The following LRBA variants were observed in gnomAD, a reference collection of about 807,000 sequenced individuals.
The protein encoded by LRBA is LPS responsive beige-like anchor protein.
LRBA carries 176 observed loss-of-function variants against 330.0 expected under a neutral mutation model. That is an observed-to-expected ratio of 0.53 (90% CI 0.47 to 0.60). The LOEUF (loss-of-function observed/expected upper bound fraction) is 0.60. Ranked by LOEUF, LRBA falls within the 20% of genes least tolerant of loss-of-function variation. The pLI, the probability that LRBA is intolerant of heterozygous loss-of-function variation, is 0.00. For missense variants in LRBA, 3,259 were observed against 3,444.8 expected (o/e 0.95, Z 1.35); for synonymous variants, 1,230 against 1,193.0 (o/e 1.03, Z -0.64).
At chr4:150,863,325 T>A (rs1435522267) in intron 22 of LRBA, among the ~76,000 whole-genome samples, 1 of 152,094 alleles carries the variant, frequency 6.6e-6, no homozygotes. Flanking sequence ...AAAAGCTTTT[T>A]TCTCTTTTTA....
chr4:150,869,932 C>A (rs1316622774), intron 20 of LRBA, among the ~76,000 whole-genome samples: 3 of 152,054 alleles, frequency 2.0e-5, no homozygotes, highest in South Asian at 2.1e-4. Flanking sequence ...CTCAAAGCCA[C>A]GTGCTTTGAA....
At chr4:150,806,652 A>G (rs1463646468) in intron 32 of LRBA, among the ~76,000 whole-genome samples, 1 of 152,090 alleles carries the variant, frequency 6.6e-6, no homozygotes, top group Non-Finnish European at 1.5e-5. Context: ...ATCAGTACTT[A>G]CTACAAGTCT....
intron 34 of LRBA, among the ~76,000 whole-genome samples, chr4:150,763,822 A>G (rs1002078903): frequency 2.0e-5 from 3 of 151,990 alleles, no homozygotes; most frequent in South Asian, 2.1e-4. Flanking sequence ...GATTCAAAAA[A>G]TTATCATGGA....
chr4:150,791,329 AACAAGCACATGGCTACC>A (rs1172661695), intron 34 of LRBA, among the ~76,000 whole-genome samples: 1 of 152,210 alleles, frequency 6.6e-6, no homozygotes, highest in African/African-American at 2.4e-5. Context: ...GAGTTGATCA[AACAAGCACATGGCTACC>A]ACAATTTCAA....
chr4:150,601,054 G>C (rs1278891295), intron 37 of LRBA, among the ~76,000 whole-genome samples: 1 of 152,178 alleles, frequency 6.6e-6, no homozygotes, highest in Non-Finnish European at 1.5e-5. Context: ...CCTAGACTGA[G>C]ATCTCCTACA....
At chr4:150,489,106 T>TCATATATAATATATAAGA (rs1758320162) in intron 41 of LRBA, among the ~76,000 whole-genome samples, 2 of 24,306 alleles carry the variant, frequency 8.2e-5, no homozygotes, top group South Asian at 1.9e-3. Context: ...TACAATATAT[T>TCATATATAATATATAAGA]ATATATCATA....
At position 150,850,849 on chromosome 4, in the gene LRBA, A is replaced by G; in HGVS notation, c.3879T>C (p.Asn1293=). The change falls in exon 24 of 57, where the codon AAT becomes AAC. Residue 1293 remains asparagine (N), a synonymous_variant. Coordinates refer to ENST00000651943, the MANE Select transcript of LRBA (RefSeq NM_001364905.1). ...TAGATCTGGAATCCCTCCTTTGTCC[A>G]TTAACTGCATCTGGTGCTATTCCTT... The part of the protein sequence containing the change: ...PGQGIAPDAV[N]GQRRDSRSTV... The G allele has an allele frequency of 1.2e-6, 2 of 1,614,012 alleles. No individual in the cohort carries two copies. Among genetic ancestry groups the G allele is most frequent in the Non-Finnish European group, 1.7e-6 (2 of 1,179,932 alleles).
upstream of LRBA, chr4:151,015,547 G>GCCCGC (rs1338854328): frequency 2.0e-5 from 3 of 152,980 alleles, no homozygotes; most frequent in South Asian, 2.1e-4. Context: ...TGGCTTCCTG[G>GCCCGC]CCCGCCCCGC....
At chr4:150,483,807 C>T (rs1038341204) in intron 42 of LRBA, among the ~76,000 whole-genome samples, 7 of 152,030 alleles carry the variant, frequency 4.6e-5, no homozygotes, top group Non-Finnish European at 1.0e-4. Flanking sequence ...AGTTTTAATT[C>T]TCCAAAACAG....
intron 46 of LRBA, among the ~76,000 whole-genome samples, chr4:150,427,853 T>C (rs1203608499): frequency 1.3e-5 from 2 of 152,014 alleles, no homozygotes; most frequent in African/African-American, 2.4e-5. Context: ...AAGCATTTTC[T>C]TATAAACGGG....
rs1007585785 is a variant in LRBA, at chr4:150,900,147, C to T, written c.1826G>A (p.Arg609Gln). The T allele has an allele frequency of 1.4e-5, 22 of 1,612,632 alleles. No homozygotes were observed. Among genetic ancestry groups the T allele is most frequent in the East Asian group, 4.5e-5 (2 of 44,856 alleles). The change falls in exon 14 of 57, where the codon CGG becomes CAG. Residue 609 changes from arginine (R) to glutamine (Q), a missense_variant. Physicochemically the swap from Arg to Gln is conservative, Grantham distance 43. Coordinates refer to ENST00000651943, the MANE Select transcript of LRBA (RefSeq NM_001364905.1). ...GATGAGAAGCACTGTTCCAACTCTC[C>T]GAATGGTGTTATATATGTTGACTGT... ...IGTVNIYNTI[R>Q]RVGTVLLIMH...
intron 26 of LRBA, among the ~76,000 whole-genome samples, chr4:150,847,731 G>GT (rs893847254): frequency 6.6e-6 from 1 of 152,024 alleles, no homozygotes; most frequent in Non-Finnish European, 1.5e-5. Flanking sequence ...GCAAAAAAGG[G>GT]TTTTTTTGTT....
intron 22 of LRBA, among the ~76,000 whole-genome samples, chr4:150,853,486 C>A (rs1750863610): frequency 6.6e-6 from 1 of 152,126 alleles, no homozygotes; most frequent in Non-Finnish European, 1.5e-5. Flanking sequence ...AAAGATCCAG[C>A]CCTTCCCCCA....
chr4:150,373,935 T>C (rs1245417318), intron 47 of LRBA, among the ~76,000 whole-genome samples: 1 of 152,174 alleles, frequency 6.6e-6, no homozygotes, highest in Non-Finnish European at 1.5e-5. Context: ...TTCTAAGATA[T>C]TCCTTTTCTG....
intron 47 of LRBA, among the ~76,000 whole-genome samples, chr4:150,414,289 T>C (rs950833662): frequency 5.3e-5 from 8 of 152,040 alleles, no homozygotes; most frequent in African/African-American, 9.7e-5. Context: ...CCAGTATATA[T>C]AGAATGCAAA....
chr4:150,915,505 T>C, intron 8 of LRBA, 103 bp downstream of exon 8: 4 of 1,001,312 alleles, frequency 4.0e-6, no homozygotes, highest in Non-Finnish European at 5.8e-6. Flanking sequence ...TCTACCATTG[T>C]AATACTTTGA....
chr4:150,282,665 T>C lies in LRBA; in HGVS notation c.8120-19A>G. The stretch of plus-strand genomic sequence containing the variant: ...GGTCCTTCTGAGAAGAGAGGAGAAA[T>C]AAAAGGCAAAATTATTGAATGAAAA... On this transcript the variant is annotated intron_variant, in intron 54 of 56. Coordinates refer to ENST00000651943, the MANE Select transcript of LRBA (RefSeq NM_001364905.1). 1 of 1,541,852 alleles carries C rather than the reference T, an allele frequency of 6.5e-7. No homozygotes were observed. Among genetic ancestry groups the C allele is most frequent in the Non-Finnish European group, 8.9e-7 (1 of 1,128,350 alleles).
At chr4:150,666,567 T>C (rs187598890) in intron 37 of LRBA, among the ~76,000 whole-genome samples, 1 of 152,242 alleles carries the variant, frequency 6.6e-6, no homozygotes, top group African/African-American at 2.4e-5. Flanking sequence ...ACCATTTACA[T>C]AGCATGAACA....
At chr4:150,588,328 TC>T in intron 39 of LRBA, 144 bp from the exon 40 acceptor site, 1 of 710,778 alleles carries the variant, frequency 1.4e-6, no homozygotes, top group Non-Finnish European at 2.1e-6. Context: ...AAATATTCTG[TC>T]CACCCCAAAT....
Sources: gnomAD v4.1 joint callset for allele counts (sites outside exome capture counted in the v4.1 genomes callset) on GRCh38, gnomAD v4.1.1 for gene constraint, MANE v1.5 for transcripts, NCBI Gene and HGNC (gene_info 2026-07-23, HGNC 2026-07-21) for gene names.